NT5DC1: variants seen among roughly 807,000 people sequenced by gnomAD.
NT5DC1 encodes 5'-nucleotidase domain containing 1, also known as 5'-nucleotidase domain-containing protein 1.
Under a neutral mutation model 59.4 loss-of-function variants are expected in NT5DC1, and 42 were observed. The ratio of observed to expected loss-of-function variants is 0.71; its 90% confidence interval spans 0.55 to 0.92. The LOEUF is 0.92. Among genes scored for constraint, NT5DC1 ranks in the 40% least tolerant of loss-of-function variants. The probability of loss-of-function intolerance (pLI) is 0.00; values close to 1 mark genes in which losing one functional copy is unlikely to be tolerated. For missense variants in NT5DC1, 501 were observed against 537.1 expected, an observed-to-expected ratio of 0.93 and a Z score of 0.66; for synonymous variants, 172 against 188.1, an observed-to-expected ratio of 0.91 and a Z score of 0.70.
chr6:116,131,188 C>T (rs912367573), intron 6 of NT5DC1, among the ~76,000 whole-genome samples: 2 of 152,028 alleles, frequency 1.3e-5, no homozygotes, highest in African/African-American at 2.4e-5. Flanking sequence ...CCAGAAAACC[C>T]GATCACAAAA....
intron 8 of NT5DC1, among the ~76,000 whole-genome samples, 174 bp from the exon 9 acceptor site, chr6:116,236,792 A>T (rs1782121781): frequency 6.6e-6 from 1 of 152,168 alleles, no homozygotes; most frequent in Non-Finnish European, 1.5e-5. Context: ...CCACGGGATT[A>T]AAAAGTATAT....
rs554283571 is a variant in NT5DC1, at chr6:116,129,148, A to G, written c.529+11203A>G. Among the ~76,000 whole-genome samples, 24 of 152,270 alleles carry G rather than the reference A, an allele frequency of 1.6e-4. 1 individual carries two copies. In the East Asian group the frequency reaches 4.2e-3, roughly 27 times the overall value. ...CTTTTTTCTTTAAAACAATGTCATC[A>G]TCGTATTAAAAAATCAGCCATTTCT... is the stretch of plus-strand genomic sequence containing the variant. On this transcript the variant is annotated intron_variant, in intron 6 of 11. Coordinates refer to ENST00000319550, the MANE Select transcript of NT5DC1 (RefSeq NM_152729.3).
chr6:116,208,840 T>A (rs1781513456), intron 6 of NT5DC1, among the ~76,000 whole-genome samples: 1 of 151,992 alleles, frequency 6.6e-6, no homozygotes, highest in African/African-American at 2.4e-5. Context: ...TTTAAAGAGA[T>A]GGCAGAGTAA....
rs73774212 is a variant in NT5DC1, at chr6:116,173,398, A to C, written c.530-47656A>C. Reference sequence around the variant, plus strand: ...TCCCATCTGGGGTGGGAAAACACTGACGGTTCCTTCCAGCTGTGTGATTTT... The same window carrying C: ...TCCCATCTGGGGTGGGAAAACACTGCCGGTTCCTTCCAGCTGTGTGATTTT... On this transcript the variant is annotated intron_variant, in intron 6 of 11. Coordinates refer to ENST00000319550, the MANE Select transcript of NT5DC1 (RefSeq NM_152729.3). Among the ~76,000 whole-genome samples the C allele has an allele frequency of 2.3e-3, 344 of 152,308 alleles. 2 individuals carry two copies. Among genetic ancestry groups the C allele is most frequent in the African/African-American group, 8.1e-3 (338 of 41,566 alleles).
In NT5DC1 at chr6:116,120,678, T is replaced by A. The variant is rs567576925; in HGVS notation, c.529+2733T>A. On this transcript the variant is annotated intron_variant, in intron 6 of 11. Transcript: ENST00000319550. The stretch of plus-strand genomic sequence containing the variant: ...GGTCCATTGAGGCCCTTAGTTGCTA[T>A]GCCAGCTGGGCCAGGAGGACCGGGA... 1.0e-5 allele frequency: 16 copies of A among 1,546,762 alleles called. No homozygotes were observed. The East Asian group carries it at 3.4e-4, about 33-fold the overall frequency.
chr6:116,158,895 A>G (rs1780266908), intron 6 of NT5DC1: 1 of 152,182 alleles, frequency 6.6e-6, no homozygotes, highest in Non-Finnish European at 1.5e-5. Flanking sequence ...TCCAGCAGTC[A>G]GTGACTTTTT....
chr6:116,211,247 C>T (rs9488871), intron 6 of NT5DC1, among the ~76,000 whole-genome samples: 3,744 of 152,030 alleles, frequency 0.025, 145 homozygotes, highest in African/African-American at 0.085. Flanking sequence ...TGAAGAAACC[C>T]TTAGATGATT....
intron 8 of NT5DC1, among the ~76,000 whole-genome samples, chr6:116,228,654 C>T (rs1216669333): frequency 6.6e-6 from 1 of 152,076 alleles, no homozygotes; most frequent in African/African-American, 2.4e-5. Flanking sequence ...AACCAAAATA[C>T]TTTTTTCTAT....
At chr6:116,184,916 G>C (rs920673018) in intron 6 of NT5DC1, among the ~76,000 whole-genome samples, 7 of 151,128 alleles carry the variant, frequency 4.6e-5, no homozygotes, top group African/African-American at 1.7e-4. Flanking sequence ...TCTTCTGCTG[G>C]GTTTGGGTTT....
chr6:116,119,550 AC>A (rs1779042814), intron 6 of NT5DC1: 1 of 157,990 alleles, frequency 6.3e-6, no homozygotes, highest in Non-Finnish European at 1.4e-5. Context: ...AGAGTAGTGC[AC>A]CATCAGAAAT....
intron 6 of NT5DC1, among the ~76,000 whole-genome samples, chr6:116,148,627 T>C (rs1216566591): frequency 6.6e-6 from 1 of 152,200 alleles, no homozygotes; most frequent in Non-Finnish European, 1.5e-5. Context: ...CATCAGGTTT[T>C]TTTTGGTTAA....
chr6:116,238,092 T>C (rs886958928), intron 9 of NT5DC1, 95 bp from the exon 10 acceptor site: 3 of 825,280 alleles, frequency 3.6e-6, no homozygotes, highest in Non-Finnish European at 5.7e-6. Context: ...TGTCATACTC[T>C]GATGCCTGTT....
chr6:116,145,351 TAA>T, intron 6 of NT5DC1: 1 of 268,186 alleles, frequency 3.7e-6, no homozygotes. Context: ...TATGAAATGC[TAA>T]AAAAAAATCA....
At chr6:116,162,714 G>C (rs557980298) in intron 6 of NT5DC1, among the ~76,000 whole-genome samples, 1 of 152,242 alleles carries the variant, frequency 6.6e-6, no homozygotes, top group Non-Finnish European at 1.5e-5. Flanking sequence ...ACGTTCATCA[G>C]GGATATTGGC....
Position 116,238,562 on chromosome 6 carries a change from T to C in NT5DC1, c.1083+214T>C, listed in dbSNP as rs1441832596. On this transcript the variant is annotated intron_variant, in intron 10 of 11. Transcript: ENST00000319550. Reference sequence around the variant, plus strand: ...TGTATTGAAAGCAATAAATAATAATTCCATCCTCATTCCTTTCTAAAAAAT... The same window carrying C: ...TGTATTGAAAGCAATAAATAATAATCCCATCCTCATTCCTTTCTAAAAAAT... Among the ~76,000 whole-genome samples the C allele has an allele frequency of 5.9e-5, 9 of 152,066 alleles. No individual in the cohort carries two copies. The East Asian group carries it at 1.7e-3, about 29-fold the overall frequency.
At chr6:116,195,164 A>G (rs896408772) in intron 6 of NT5DC1, among the ~76,000 whole-genome samples, 2 of 152,022 alleles carry the variant, frequency 1.3e-5, no homozygotes, top group Non-Finnish European at 2.9e-5. Context: ...TGAAATGTCA[A>G]TCTGGTTAAT....
Position 116,163,134 on chromosome 6 carries a change from A to AT in NT5DC1, c.529+45189_529+45190insT, listed in dbSNP as rs1312026606. Among the ~76,000 whole-genome samples the AT allele has an allele frequency of 5.4e-3, 656 of 122,432 alleles. 7 individuals carry two copies. Among genetic ancestry groups the AT allele is most frequent in the East Asian group, 0.025 (106 of 4,266 alleles). 80.3% of individuals were successfully genotyped at this position (122,432 alleles called of 152,430 possible). ...ACAGCGAGACTCCGTCTCAAAAAAAAAAAAAAAATATATATATATATATAT... is the reference window on the plus strand; with the variant it reads ...ACAGCGAGACTCCGTCTCAAAAAAAATAAAAAAAATATATATATATATATAT... On this transcript the variant is annotated intron_variant, in intron 6 of 11. Transcript: ENST00000319550.
At chr6:116,125,581 G>T in intron 6 of NT5DC1, 2 of 1,355,006 alleles carry the variant, frequency 1.5e-6, no homozygotes, top group Non-Finnish European at 2.1e-6. Flanking sequence ...TTTCACAGAT[G>T]AGTTCTTTAT....
intron 3 of NT5DC1, among the ~76,000 whole-genome samples, chr6:116,108,928 C>T (rs1350603948): frequency 6.6e-6 from 1 of 152,168 alleles, no homozygotes; most frequent in African/African-American, 2.4e-5. Flanking sequence ...GGAAGTTTTT[C>T]TGGACTGTTC....
Sources: gnomAD v4.1 joint callset for allele counts (sites outside exome capture counted in the v4.1 genomes callset) on GRCh38, gnomAD v4.1.1 for gene constraint, MANE v1.5 for transcripts, NCBI Gene and HGNC (gene_info 2026-07-23, HGNC 2026-07-21) for gene names.